The following PIWIL2 variants were observed in gnomAD, a reference collection of about 807,000 sequenced individuals.
The protein encoded by PIWIL2 is piwi like RNA-mediated gene silencing 2, also known as piwi-like protein 2.
Under a neutral mutation model 116.5 loss-of-function variants are expected in PIWIL2, and 81 were observed. That is an observed-to-expected ratio of 0.70 (90% CI 0.58 to 0.84). The LOEUF is 0.84. PIWIL2 is among the 40% of genes least tolerant of loss of function. PIWIL2 has a pLI of 0.00. For missense variants in PIWIL2, 1,272 were observed against 1,212.3 expected (o/e 1.05, Z -0.73); for synonymous variants, 489 against 429.5 (o/e 1.14, Z -1.71).
chr8:22,308,899 C>G lies in PIWIL2; in HGVS notation c.1686+826C>G, dbSNP rs991021611. 2.2e-4 allele frequency among the ~76,000 whole-genome samples: 33 copies of G among 152,170 alleles called. 1 individual carries two copies. Among genetic ancestry groups the G allele is most frequent in the African/African-American group, 7.7e-4 (32 of 41,528 alleles). On this transcript the variant is annotated intron_variant, in intron 14 of 22. Coordinates refer to ENST00000356766, the MANE Select transcript of PIWIL2 (RefSeq NM_018068.5). ...CTCCTGACCTCAAATGATCCGCCTA[C>G]CTTAGCCTCCCAAAGTGTTAGGAGT...
intron 8 of PIWIL2, 49 bp downstream of exon 8, chr8:22,288,715 T>G (rs1445601354): frequency 6.5e-7 from 1 of 1,534,460 alleles, no homozygotes; most frequent in South Asian, 1.2e-5. Flanking sequence ...AGTCTTGTAT[T>G]TACAGTAATG....
intron 20 of PIWIL2, among the ~76,000 whole-genome samples, chr8:22,329,892 A>G (rs1348500425): frequency 1.3e-5 from 2 of 152,126 alleles, no homozygotes; most frequent in Non-Finnish European, 2.9e-5. Flanking sequence ...TAGGCTGGAG[A>G]CCCAGGGGAT....
At chr8:22,297,316 CTG>C (rs1563366140) in intron 10 of PIWIL2, among the ~76,000 whole-genome samples, 2 of 152,084 alleles carry the variant, frequency 1.3e-5, no homozygotes, top group African/African-American at 4.8e-5. Flanking sequence ...TGCAGTTTGA[CTG>C]TGTTGCCAAG....
At chr8:22,282,362 A>C (rs1271135606) in intron 4 of PIWIL2, among the ~76,000 whole-genome samples, 1 of 131,302 alleles carries the variant, frequency 7.6e-6, no homozygotes, top group African/African-American at 2.9e-5. Flanking sequence ...TAATTTTTGT[A>C]TTTTTAGTAG....
chr8:22,318,195 G>C lies in PIWIL2; in HGVS notation c.2323G>C (p.Val775Leu), dbSNP rs537444115. ...CACCCTCACAAAATGGTATTCCCGG[G>C]TGGTGTTCCAGATGCCGCATCAGGA... ...NLTLTKWYSR[V>L]VFQMPHQEIV... The change falls in exon 20 of 23, where the codon GTG (valine) becomes CTG (leucine). Residue 775 changes from valine (V) to leucine (L), a missense_variant. Val to Leu is a conservative substitution (Grantham distance 32). Coordinates refer to ENST00000356766, the MANE Select transcript of PIWIL2 (RefSeq NM_018068.5). 2 of 1,613,022 alleles carry C rather than the reference G, an allele frequency of 1.2e-6. No homozygotes were observed. Among genetic ancestry groups the C allele is most frequent in the Admixed American group, 3.3e-5 (2 of 60,008 alleles).
chr8:22,321,941 G>A, intron 20 of PIWIL2: 1 of 984,728 alleles, frequency 1.0e-6, no homozygotes, highest in Non-Finnish European at 1.2e-6. Context: ...CTAGTCCAAA[G>A]CCCATTTTCT....
intron 20 of PIWIL2, among the ~76,000 whole-genome samples, chr8:22,344,943 A>G (rs1832191419): frequency 6.6e-6 from 1 of 152,238 alleles, no homozygotes; most frequent in African/African-American, 2.4e-5. Context: ...GAGAAATTGG[A>G]AACTTCATAG....
At chr8:22,305,058 G>A (rs1018961372) in intron 12 of PIWIL2, among the ~76,000 whole-genome samples, 190 bp downstream of exon 12, 1 of 152,120 alleles carries the variant, frequency 6.6e-6, no homozygotes, top group African/African-American at 2.4e-5. Flanking sequence ...TGCTTTAGAA[G>A]TCCCCACGAG....
At chr8:22,285,600 A>G (rs1353988105) in intron 6 of PIWIL2, among the ~76,000 whole-genome samples, 1 of 152,042 alleles carries the variant, frequency 6.6e-6, no homozygotes, top group Non-Finnish European at 1.5e-5. Flanking sequence ...GTTGGATCAT[A>G]TTAGTACTAT....
At position 22,290,228 on chromosome 8, in the gene PIWIL2, T is replaced by C; in HGVS notation, c.1068-5T>C. On this transcript the variant is annotated splice_polypyrimidine_tract_variant and splice_region_variant and intron_variant, in intron 9 of 22. Coordinates refer to ENST00000356766, the MANE Select transcript of PIWIL2 (RefSeq NM_018068.5). ...TCCTACAGTTGAGACCACCTCTCTC[T>C]CCAGATTGCAGATCTGGCCAGGCTA... 6.4e-7 allele frequency: 1 copy of C among 1,567,476 alleles called. No individual in the cohort carries two copies. Among genetic ancestry groups the C allele is most frequent in the South Asian group, 1.1e-5 (1 of 89,890 alleles).
At chr8:22,320,739 C>T (rs535083243) in intron 20 of PIWIL2, among the ~76,000 whole-genome samples, 22 of 152,008 alleles carry the variant, frequency 1.4e-4, no homozygotes, top group African/African-American at 5.1e-4. Context: ...TACAGGTGCC[C>T]GCCACCACGC....
chr8:22,298,615 G>A (rs1586553086), intron 10 of PIWIL2, among the ~76,000 whole-genome samples: 1 of 152,204 alleles, frequency 6.6e-6, no homozygotes, highest in African/African-American at 2.4e-5. Flanking sequence ...TCTGTGGAAT[G>A]TTGCCTGGGA....
At chr8:22,316,602 C>T (rs181992660) in intron 19 of PIWIL2, among the ~76,000 whole-genome samples, 135 of 152,060 alleles carry the variant, frequency 8.9e-4, no homozygotes, top group African/African-American at 3.2e-3. Context: ...CTGCCTCAGC[C>T]TCCCCAGTAG....
chr8:22,316,733 C>G (rs1041037927), intron 19 of PIWIL2, among the ~76,000 whole-genome samples: 1 of 152,142 alleles, frequency 6.6e-6, no homozygotes, highest in African/African-American at 2.4e-5. Flanking sequence ...CCGCCCACCT[C>G]AGCCTCCCAC....
chr8:22,304,078 G>A lies in PIWIL2; in HGVS notation c.1239G>A (p.Leu413=). 2 of 1,613,438 alleles carry A rather than the reference G, an allele frequency of 1.2e-6. No individual in the cohort carries two copies. Among genetic ancestry groups the A allele is most frequent in the South Asian group, 1.1e-5 (1 of 91,044 alleles). The change falls in exon 11 of 23, where the codon CTG becomes CTA. Residue 413 remains leucine, a synonymous_variant. Transcript: ENST00000356766. ...TCCAGGATGAGTGTACTAAGCTTCTGGTTGGCAATATTGTTATCACCCGAT... is the reference window on the plus strand; with the variant it reads ...TCCAGGATGAGTGTACTAAGCTTCTAGTTGGCAATATTGTTATCACCCGAT... ...EHFQDECTKL[L]VGNIVITRYN... is the part of the protein sequence containing the mutation.
intron 10 of PIWIL2, among the ~76,000 whole-genome samples, chr8:22,302,167 A>G (rs7006392): frequency 1 from 152,203 of 152,206 alleles, 76,100 homozygotes; most frequent in Non-Finnish European, 1. Context: ...TGGCAAGTCT[A>G]GATGGTTTAT....
Position 22,310,034 on chromosome 8 carries a change from A to C in PIWIL2, c.1760A>C (p.Asn587Thr), listed in dbSNP as rs773513515. 1 of 1,611,148 alleles carries C rather than the reference A, an allele frequency of 6.2e-7. No homozygotes were observed. Among genetic ancestry groups the C allele is most frequent in the Non-Finnish European group, 8.5e-7 (1 of 1,177,266 alleles). ...NTSFITSQEL[N>T]WVKEVTRDPS... ...TCGTTTATCACATCTCAGGAACTAAACTGGGTTAAGGAAGTAACCAGAGAC... is the reference window on the plus strand; with the variant it reads ...TCGTTTATCACATCTCAGGAACTAACCTGGGTTAAGGAAGTAACCAGAGAC... The change falls in exon 15 of 23, where the codon AAC becomes ACC. Residue 587 changes from asparagine (N) to threonine (T), a missense_variant. Coordinates refer to ENST00000356766, the MANE Select transcript of PIWIL2 (RefSeq NM_018068.5).
At chr8:22,352,904 T>C in intron 20 of PIWIL2, 55 bp from the exon 21 acceptor site, 1 of 1,557,664 alleles carries the variant, frequency 6.4e-7, no homozygotes, top group Non-Finnish European at 8.7e-7. Flanking sequence ...TCTCACTGAC[T>C]GTGGTCCGTA....
rs562769969 is a variant in PIWIL2 at position 22,288,132 on chromosome 8, A to G, written c.862-410A>G. Reference sequence around the variant, plus strand: ...GCTAACACGGTGAAACCCTGTCTCTACTAAAAATAAAAAAAATTAGCTGGG... The same window carrying G: ...GCTAACACGGTGAAACCCTGTCTCTGCTAAAAATAAAAAAAATTAGCTGGG... On this transcript the variant is annotated intron_variant, in intron 7 of 22. Transcript: ENST00000356766. Among the ~76,000 whole-genome samples the G allele has an allele frequency of 3.9e-5, 6 of 152,170 alleles. No homozygotes were observed. In the South Asian group the frequency reaches 8.3e-4, roughly 21 times the overall value.
Sources: allele counts gnomAD v4.1 joint callset (sites outside exome capture counted in the v4.1 genomes callset), GRCh38; gene constraint gnomAD v4.1.1; transcripts MANE v1.5; gene names NCBI Gene and HGNC (gene_info 2026-07-23, HGNC 2026-07-21).